The following POPDC1 variants were observed in gnomAD, a reference collection of about 807,000 sequenced individuals.
The protein encoded by POPDC1 is popeye domain cAMP effector 1, also known as popeye domain-containing protein 1.
the POPDC1 span, among the ~76,000 whole-genome samples, chr6:105,110,294 C>T: frequency 2.6e-5 from 4 of 152,190 alleles, no homozygotes; most frequent in African/African-American, 9.7e-5. Flanking sequence ...CTAAACTACA[C>T]TTTACTCATC....
At chr6:105,123,444 A>G in the POPDC1 span, among the ~76,000 whole-genome samples, 17 of 151,978 alleles carry the variant, frequency 1.1e-4, no homozygotes, top group Non-Finnish European at 2.4e-4. Context: ...TCTGTTGCCC[A>G]GGCTGGAGTG....
the POPDC1 span, among the ~76,000 whole-genome samples, chr6:105,112,444 G>A: frequency 6.6e-6 from 1 of 151,240 alleles, no homozygotes; most frequent in South Asian, 2.1e-4. Context: ...AATACATAAG[G>A]TATATTTAAT....
At chr6:105,126,729 C>T in the POPDC1 span, among the ~76,000 whole-genome samples, 1 of 152,170 alleles carries the variant, frequency 6.6e-6, no homozygotes, top group African/African-American at 2.4e-5. Flanking sequence ...GTAACACATA[C>T]ATTAAGCATT....
At chr6:105,129,158 T>A in the POPDC1 span, among the ~76,000 whole-genome samples, 1 of 152,202 alleles carries the variant, frequency 6.6e-6, no homozygotes, top group Non-Finnish European at 1.5e-5. Flanking sequence ...TTCTCTCATA[T>A]GCTAATGATT....
At chr6:105,129,316 C>T in the POPDC1 span, 1 of 1,421,080 alleles carries the variant, frequency 7.0e-7, no homozygotes, top group Non-Finnish European at 9.6e-7. Flanking sequence ...TAACTCTGAA[C>T]AAAGTACCTT....
chr6:105,113,953 C>CA, the POPDC1 span, among the ~76,000 whole-genome samples: 1 of 150,304 alleles, frequency 6.7e-6, no homozygotes, highest in East Asian at 1.9e-4. Context: ...CACACACACA[C>CA]ACAAAAAAAA....
the POPDC1 span, among the ~76,000 whole-genome samples, chr6:105,134,998 C>G: frequency 2.6e-5 from 4 of 152,136 alleles, no homozygotes; most frequent in East Asian, 7.7e-4. Flanking sequence ...GAATGAATCT[C>G]GTAACTTCTG....
chr6:105,123,647 G>A, the POPDC1 span, among the ~76,000 whole-genome samples: 6 of 152,254 alleles, frequency 3.9e-5, no homozygotes, highest in African/African-American at 1.4e-4. Flanking sequence ...TGATCTGCCT[G>A]CCTCAGCCTC....
chr6:105,120,968 G>T, the POPDC1 span, among the ~76,000 whole-genome samples: 11 of 152,166 alleles, frequency 7.2e-5, no homozygotes, highest in Non-Finnish European at 1.5e-4. Flanking sequence ...AGAGGAAATT[G>T]TTTCACAGCT....
the POPDC1 span, among the ~76,000 whole-genome samples, chr6:105,110,646 T>C: frequency 2.0e-5 from 3 of 152,024 alleles, no homozygotes; most frequent in Admixed American, 2.0e-4. Context: ...TAAATATTTG[T>C]AAAACTAGGT....
the POPDC1 span, chr6:105,099,088 G>C: frequency 2.0e-5 from 3 of 152,144 alleles, no homozygotes; most frequent in Non-Finnish European, 4.4e-5. Context: ...TGAACTCCTG[G>C]GCTTAAGCAA....
the POPDC1 span, chr6:105,129,503 C>G: frequency 6.2e-7 from 1 of 1,602,544 alleles, no homozygotes; most frequent in Non-Finnish European, 8.5e-7. Context: ...AAGGGTACAT[C>G]CTGTTGAAGA....
the POPDC1 span, among the ~76,000 whole-genome samples, chr6:105,130,005 C>CA: frequency 6.6e-6 from 1 of 151,330 alleles, no homozygotes; most frequent in East Asian, 1.9e-4. Flanking sequence ...GTCCAGTGAC[C>CA]AAAAAAACCC....
At chr6:105,136,368 T>A in the POPDC1 span, 1 of 152,110 alleles carries the variant, frequency 6.6e-6, no homozygotes, top group Non-Finnish European at 1.5e-5. Context: ...CTGACCTCGC[T>A]CCTTAAAGGA....
At chr6:105,104,337 C>A in the POPDC1 span, among the ~76,000 whole-genome samples, 1 of 152,114 alleles carries the variant, frequency 6.6e-6, no homozygotes, top group Admixed American at 6.5e-5. Context: ...ATAGCATTTG[C>A]ATCTCTTCCT....
the POPDC1 span, among the ~76,000 whole-genome samples, chr6:105,134,917 G>A: frequency 1.3e-5 from 2 of 152,134 alleles, no homozygotes; most frequent in African/African-American, 4.8e-5. Context: ...AAGCCTATCA[G>A]GATGGCGGGG....
At chr6:105,098,838 C>T in the POPDC1 span, 1 of 152,176 alleles carries the variant, frequency 6.6e-6, no homozygotes, top group Non-Finnish European at 1.5e-5. Flanking sequence ...AATTTAGCTA[C>T]CTGAAGAGAC....
chr6:105,137,138 A>C, the POPDC1 span: 2 of 151,764 alleles, frequency 1.3e-5, no homozygotes, highest in South Asian at 2.1e-4. Flanking sequence ...CGGGTCCCCA[A>C]GCCCGCAGCC....
At chr6:105,112,126 C>G in the POPDC1 span, among the ~76,000 whole-genome samples, 1 of 152,168 alleles carries the variant, frequency 6.6e-6, no homozygotes, top group South Asian at 2.1e-4. Flanking sequence ...GACCCCCACC[C>G]CAGCCTGCTA....
Sources: allele counts gnomAD v4.1 joint callset (sites outside exome capture counted in the v4.1 genomes callset), GRCh38; gene constraint gnomAD v4.1.1; transcripts MANE v1.5; gene names NCBI Gene and HGNC (gene_info 2026-07-23, HGNC 2026-07-21).